UTS2B: variants seen among roughly 807,000 people sequenced by gnomAD.
UTS2B encodes urotensin 2B.
UTS2B carries 21 observed loss-of-function variants against 19.2 expected under a neutral mutation model. The observed-to-expected ratio is 1.09, with a 90% CI of 0.78 to 1.58. The LOEUF (loss-of-function observed/expected upper bound fraction) is 1.58. Among genes scored for constraint, UTS2B ranks in the 40% most tolerant of loss-of-function variants. The probability of loss-of-function intolerance (pLI) is 0.00; values close to 1 mark genes in which losing one functional copy is unlikely to be tolerated. For missense variants in UTS2B, 138 were observed against 130.3 expected (o/e 1.06, Z -0.29); for synonymous variants, 57 against 50.2 (o/e 1.14, Z -0.58).
chr3:191,294,926 G>A (rs1018721847), intron 4 of UTS2B, among the ~76,000 whole-genome samples: 3 of 151,802 alleles, frequency 2.0e-5, no homozygotes, highest in Non-Finnish European at 4.4e-5. Flanking sequence ...AGCTACTCAG[G>A]AGGCTTAGTT....
At chr3:191,318,949 T>C (rs1025484602) in intron 2 of UTS2B, among the ~76,000 whole-genome samples, 4 of 152,220 alleles carry the variant, frequency 2.6e-5, no homozygotes, top group African/African-American at 9.7e-5. Flanking sequence ...ATTCAAAATA[T>C]GCTTTATGAA....
At chr3:191,339,285 T>C in the UTS2B span, among the ~76,000 whole-genome samples, 1 of 152,218 alleles carries the variant, frequency 6.6e-6, no homozygotes, top group Non-Finnish European at 1.5e-5. Flanking sequence ...ATATGGTGTA[T>C]TAGAAGTTAA....
chr3:191,273,121 T>A (rs779115534), intron 8 of UTS2B, among the ~76,000 whole-genome samples: 22 of 152,006 alleles, frequency 1.4e-4, no homozygotes, highest in Non-Finnish European at 3.2e-4. Context: ...TGAGCCGAGA[T>A]CGCACCACTG....
chr3:191,287,494 AC>A (rs1316959246), intron 4 of UTS2B, among the ~76,000 whole-genome samples: 35 of 152,230 alleles, frequency 2.3e-4, no homozygotes, highest in Admixed American at 2.0e-3. Context: ...CGAACGAAGA[AC>A]AAAACTATAC....
intron 5 of UTS2B, 84 bp from the exon 6 acceptor site, chr3:191,278,254 T>C: frequency 1.5e-6 from 1 of 675,564 alleles, no homozygotes. Flanking sequence ...TACTATCAAT[T>C]TGTATATTTG....
intron 4 of UTS2B, among the ~76,000 whole-genome samples, chr3:191,292,479 T>C (rs1271936675): frequency 6.6e-6 from 1 of 152,222 alleles, no homozygotes. Context: ...TTTTGTATAA[T>C]TGATTTTTGC....
intron 5 of UTS2B, among the ~76,000 whole-genome samples, chr3:191,278,406 A>G (rs867689244): frequency 8.6e-5 from 13 of 151,962 alleles, no homozygotes; most frequent in Non-Finnish European, 1.8e-4. Flanking sequence ...TTGCACCCTA[A>G]AGTTTTACCT....
chr3:191,315,074 C>T (rs1717410968), intron 3 of UTS2B, among the ~76,000 whole-genome samples: 1 of 150,752 alleles, frequency 6.6e-6, no homozygotes, highest in African/African-American at 2.5e-5. Context: ...TGCAATGGCA[C>T]AATCTTGGCT....
At chr3:191,345,462 A>T in the UTS2B span, among the ~76,000 whole-genome samples, 2 of 151,226 alleles carry the variant, frequency 1.3e-5, no homozygotes, top group Non-Finnish European at 3.0e-5. Flanking sequence ...TCTTCCTCTC[A>T]CTCCAGATCA....
intron 2 of UTS2B, among the ~76,000 whole-genome samples, chr3:191,319,683 C>A (rs1022468340): frequency 6.1e-5 from 9 of 147,566 alleles, no homozygotes; most frequent in East Asian, 2.0e-4. Context: ...CGTGGTGAAA[C>A]CCTGTCTCTG....
chr3:191,304,320 G>T (rs941336654), intron 4 of UTS2B, among the ~76,000 whole-genome samples, 172 bp downstream of exon 4: 1 of 152,190 alleles, frequency 6.6e-6, no homozygotes, highest in Non-Finnish European at 1.5e-5. Context: ...GGGAATTTGA[G>T]AAATAAATAT....
chr3:191,338,893 G>A, the UTS2B span, among the ~76,000 whole-genome samples: 5 of 152,126 alleles, frequency 3.3e-5, no homozygotes, highest in African/African-American at 1.2e-4. Flanking sequence ...TTTTGTACAC[G>A]TTCCAGTAAA....
chr3:191,327,167 G>A (rs886951706), intron 2 of UTS2B, among the ~76,000 whole-genome samples: 4 of 152,238 alleles, frequency 2.6e-5, no homozygotes, highest in African/African-American at 9.6e-5. Flanking sequence ...AGAATGTAAT[G>A]AAGAGACAAT....
chr3:191,309,316 C>T (rs1717226270), intron 3 of UTS2B, among the ~76,000 whole-genome samples: 1 of 152,024 alleles, frequency 6.6e-6, no homozygotes, highest in African/African-American at 2.4e-5. Context: ...CGCCTACCAC[C>T]ACGCCTGGCT....
chr3:191,339,403 A>G, the UTS2B span, among the ~76,000 whole-genome samples: 1 of 152,214 alleles, frequency 6.6e-6, no homozygotes, highest in Non-Finnish European at 1.5e-5. Flanking sequence ...ATATAAAAAA[A>G]GTGAGGCAAG....
intron 3 of UTS2B, among the ~76,000 whole-genome samples, chr3:191,315,029 TG>T (rs1717409609): frequency 6.6e-6 from 1 of 151,504 alleles, no homozygotes; most frequent in East Asian, 1.9e-4. Context: ...TTTTTTTTTT[TG>T]AGATGGAGTT....
chr3:191,315,865 C>T, intron 3 of UTS2B, among the ~76,000 whole-genome samples, 171 bp downstream of exon 3: 1 of 152,206 alleles, frequency 6.6e-6, no homozygotes, highest in African/African-American at 2.4e-5. Flanking sequence ...CACTCAGATT[C>T]AAGGTAAACA....
chr3:191,316,934 A>C (rs868338118), intron 2 of UTS2B, among the ~76,000 whole-genome samples: 6 of 151,526 alleles, frequency 4.0e-5, no homozygotes, highest in South Asian at 2.1e-4. Context: ...CCGACTCAGG[A>C]GCCCAGCTGG....
At chr3:191,277,364 T>G (rs1716265182) in intron 6 of UTS2B, among the ~76,000 whole-genome samples, 1 of 152,194 alleles carries the variant, frequency 6.6e-6, no homozygotes, top group Non-Finnish European at 1.5e-5. Flanking sequence ...ATTTTAAAAG[T>G]ATTTATTAAG....
Sources: gnomAD v4.1 joint callset for allele counts (sites outside exome capture counted in the v4.1 genomes callset) on GRCh38, gnomAD v4.1.1 for gene constraint, MANE v1.5 for transcripts, NCBI Gene and HGNC (gene_info 2026-07-23, HGNC 2026-07-21) for gene names.